BABAM2: variants seen among roughly 807,000 people sequenced by gnomAD.
BABAM2 encodes the protein BRISC and BRCA1 A complex member 2.
Under a neutral mutation model 54.7 loss-of-function variants are expected in BABAM2, and 31 were observed. The observed-to-expected ratio is 0.57, with a 90% CI of 0.43 to 0.77. The LOEUF is 0.77. Ranked by LOEUF, BABAM2 falls within the 30% of genes least tolerant of loss-of-function variation. BABAM2 has a pLI of 0.00. For synonymous variants in BABAM2, 167 were observed against 162.9 expected (o/e 1.03, Z -0.19); for missense variants, 364 against 455.8 (o/e 0.80, Z 1.83).
At chr2:28,278,209 T>G (rs184659076) in intron 10 of BABAM2, among the ~76,000 whole-genome samples, 3 of 152,212 alleles carry the variant, frequency 2.0e-5, no homozygotes, top group Non-Finnish European at 2.9e-5. Context: ...ATGGAAAGCT[T>G]TGGGAGTATT....
chr2:28,224,422 A>C (rs146127521), intron 7 of BABAM2, among the ~76,000 whole-genome samples: 92 of 152,358 alleles, frequency 6.0e-4, no homozygotes, highest in African/African-American at 2.2e-3. Flanking sequence ...TGAGTGTCAT[A>C]GAGCCAGACC....
At chr2:27,903,656 G>C (rs1298906910) in intron 2 of BABAM2, among the ~76,000 whole-genome samples, 1 of 152,170 alleles carries the variant, frequency 6.6e-6, no homozygotes, top group East Asian at 1.9e-4. Flanking sequence ...GTTGCCGTCA[G>C]TCAGAACACG....
chr2:28,020,991 A>ACACACACACACACAC (rs1573407122), intron 4 of BABAM2, among the ~76,000 whole-genome samples: 1 of 149,304 alleles, frequency 6.7e-6, no homozygotes, highest in African/African-American at 2.5e-5. Flanking sequence ...ACACACACAC[A>ACACACACACACACAC]AACTACTTGT....
At chr2:28,154,433 G>A (rs559899146) in intron 7 of BABAM2, among the ~76,000 whole-genome samples, 1 of 152,310 alleles carries the variant, frequency 6.6e-6, no homozygotes, top group East Asian at 1.9e-4. Context: ...CAGGGGAGTG[G>A]TGGTGGTAAG....
At chr2:27,921,579 G>A (rs1667350712) in intron 2 of BABAM2, among the ~76,000 whole-genome samples, 1 of 152,120 alleles carries the variant, frequency 6.6e-6, no homozygotes, top group African/African-American at 2.4e-5. Context: ...TCACTCACTA[G>A]CAAGTTACAT....
intron 3 of BABAM2, among the ~76,000 whole-genome samples, chr2:27,961,925 T>G (rs1670501751): frequency 6.6e-6 from 1 of 151,874 alleles, no homozygotes; most frequent in Non-Finnish European, 1.5e-5. Flanking sequence ...AGATGGGGTC[T>G]CACTATGTTG....
At chr2:27,899,675 T>C (rs1261847894) in intron 2 of BABAM2, among the ~76,000 whole-genome samples, 1 of 152,058 alleles carries the variant, frequency 6.6e-6, no homozygotes, top group African/African-American at 2.4e-5. Flanking sequence ...TCATCTTGGC[T>C]AGGTTGGTGT....
At chr2:28,309,487 T>C (rs1262113166) in intron 11 of BABAM2, 1 of 152,248 alleles carries the variant, frequency 6.6e-6, no homozygotes, top group African/African-American at 2.4e-5. Flanking sequence ...TTCTGCCTAC[T>C]ACGTGGGATA....
rs776498528 is a variant in BABAM2, at chr2:28,325,193, C to T, written c.1089-13257C>T. Reference sequence around the variant, plus strand: ...ACCATGTGTGGATATCATTCATCCACGTTGCATATATGCCCTTCCTTTCCT... The same window carrying T: ...ACCATGTGTGGATATCATTCATCCATGTTGCATATATGCCCTTCCTTTCCT... On this transcript the variant is annotated intron_variant, in intron 11 of 11. Coordinates refer to ENST00000379624, the MANE Select transcript of BABAM2 (RefSeq NM_199191.3). The surrounding 1 kb of genome is among the most constrained non-coding windows in gnomAD (Gnocchi z 4.3). Among the ~76,000 whole-genome samples, 4 of 152,228 alleles carry T rather than the reference C, an allele frequency of 2.6e-5. No homozygotes were observed. The highest frequency in any genetic ancestry group is 5.9e-5 in the Non-Finnish European group (4 of 68,046).
chr2:28,210,159 C>T (rs1679310453), intron 7 of BABAM2, among the ~76,000 whole-genome samples: 1 of 152,154 alleles, frequency 6.6e-6, no homozygotes, highest in Admixed American at 6.5e-5. Context: ...TGAAAAAGAA[C>T]AGCCTGCAAG....
chr2:28,192,127 T>C (rs955763040), intron 7 of BABAM2, among the ~76,000 whole-genome samples: 16 of 152,020 alleles, frequency 1.1e-4, no homozygotes, highest in African/African-American at 3.6e-4. Context: ...CTCCGCCTCC[T>C]GGGTTCACGC....
chr2:28,214,216 A>G (rs758595077), intron 7 of BABAM2, among the ~76,000 whole-genome samples: 28 of 152,186 alleles, frequency 1.8e-4, no homozygotes, highest in Non-Finnish European at 3.7e-4. Flanking sequence ...TTAATCTGAT[A>G]TATAGATTCA....
At chr2:28,188,231 A>T (rs111578284) in intron 7 of BABAM2, among the ~76,000 whole-genome samples, 4,430 of 152,214 alleles carry the variant, frequency 0.029, 94 homozygotes, top group Middle Eastern at 0.075. Context: ...CTACCTACAC[A>T]TTGGCATAAA....
chr2:28,114,682 C>G (rs937643867), intron 6 of BABAM2, among the ~76,000 whole-genome samples: 3 of 152,144 alleles, frequency 2.0e-5, no homozygotes, highest in Non-Finnish European at 2.9e-5. Context: ...TTTATTGGCT[C>G]TAGTTTTAGG....
intron 7 of BABAM2, among the ~76,000 whole-genome samples, chr2:28,236,274 C>A (rs143176359): frequency 6.6e-6 from 1 of 151,666 alleles, no homozygotes; most frequent in Admixed American, 6.6e-5. Context: ...ATGAAATGTA[C>A]GCCTTAAAGT....
intron 2 of BABAM2, chr2:27,895,004 G>A (rs1187854077): frequency 7.6e-6 from 2 of 262,180 alleles, no homozygotes; most frequent in East Asian, 9.0e-5. Flanking sequence ...TGTGTTTGCT[G>A]CAGTCCAGCA....
intron 10 of BABAM2, among the ~76,000 whole-genome samples, chr2:28,295,158 A>C (rs545252119): frequency 1.3e-5 from 2 of 152,258 alleles, no homozygotes; most frequent in African/African-American, 4.8e-5. Context: ...ATTTTTTAGC[A>C]TATTAAAATA....
chr2:28,194,761 T>C (rs1677330252), intron 7 of BABAM2, among the ~76,000 whole-genome samples: 1 of 152,052 alleles, frequency 6.6e-6, no homozygotes, highest in Non-Finnish European at 1.5e-5. Context: ...GGGTTTGCCA[T>C]GTTGGCCAGG....
rs1672527515 is a variant in BABAM2 at position 27,988,029 on chromosome 2, C to T, written c.242C>T (p.Pro81Leu). 1.2e-6 allele frequency: 2 copies of T among 1,613,594 alleles called. No homozygotes were observed. The highest frequency in any genetic ancestry group is 8.5e-7 in the Non-Finnish European group (1 of 1,179,702). ...TTCAATGCCCAATACCCAGAACTGC[C>T]TCCCGATTTTATCTTTGGAGAAGAT... is the stretch of plus-strand genomic sequence containing the variant. ...IIFNAQYPELPPDFIFGEDAE... is the reference protein window; with the variant it reads ...IIFNAQYPELLPDFIFGEDAE... The change falls in exon 4 of 12, where the codon CCT (proline) becomes CTT (leucine). Residue 81 changes from proline (P) to leucine (L), a missense_variant. By Grantham distance (98) the Pro-to-Leu change is moderately conservative. Transcript: ENST00000379624.
Sources: allele counts gnomAD v4.1 joint callset (sites outside exome capture counted in the v4.1 genomes callset), GRCh38; gene constraint gnomAD v4.1.1; non-coding constraint Gnocchi (gnomAD v3.1); transcripts MANE v1.5; gene names NCBI Gene and HGNC (gene_info 2026-07-23, HGNC 2026-07-21).